Variants in CDH12 observed in about 807,000 individuals in gnomAD.
CDH12 encodes the protein cadherin-12.
CDH12 carries 41 observed loss-of-function variants against 74.1 expected under a neutral mutation model. The ratio of observed to expected loss-of-function variants is 0.55; its 90% CI spans 0.43 to 0.72. CDH12 has a LOEUF of 0.72. Ranked by LOEUF, CDH12 falls within the 30% of genes least tolerant of loss-of-function variation. The probability of loss-of-function intolerance (pLI) is 0.00; values close to 1 mark genes in which losing one functional copy is unlikely to be tolerated. For synonymous variants in CDH12, 399 were observed against 355.0 expected, an observed-to-expected ratio of 1.12 and a Z score of -1.39; for missense variants, 945 against 977.2, an observed-to-expected ratio of 0.97 and a Z score of 0.44.
At position 22,322,336 on chromosome 5, in the gene CDH12, AAGG is replaced by A. The variant is rs1738919182; in HGVS notation, c.-333+82918_-333+82920del. On this transcript the variant is annotated intron_variant, in intron 3 of 14. Transcript: ENST00000382254. ...AAAGTCATCCCTTTAAGAAAATCTGAAGGTTTCATAAATATATTTCAGCTTTAT... is the reference window on the plus strand; with the variant it reads ...AAAGTCATCCCTTTAAGAAAATCTGATTTCATAAATATATTTCAGCTTTAT... 4.0e-5 allele frequency among the ~76,000 whole-genome samples: 6 copies of A among 149,390 alleles called. No homozygotes were observed. In the East Asian group the frequency reaches 1.0e-3, roughly 25 times the overall value.
At chr5:22,564,788 T>G (rs1343920928) in intron 1 of CDH12, among the ~76,000 whole-genome samples, 5 of 152,250 alleles carry the variant, frequency 3.3e-5, no homozygotes, top group African/African-American at 4.8e-5. Context: ...ATGTAAAATT[T>G]ATTCATCTCT....
chr5:22,316,347 A>C (rs981192809), intron 3 of CDH12, among the ~76,000 whole-genome samples: 13 of 152,106 alleles, frequency 8.5e-5, no homozygotes, highest in African/African-American at 3.1e-4. Context: ...ACATGCACAC[A>C]TCACAAAATA....
At chr5:22,504,808 T>C (rs924181551) in intron 2 of CDH12, among the ~76,000 whole-genome samples, 2 of 152,172 alleles carry the variant, frequency 1.3e-5, no homozygotes, top group East Asian at 3.9e-4. Context: ...TATCTCTGTT[T>C]CCTATGTGAG....
At chr5:22,267,415 T>C (rs1198012709) in intron 3 of CDH12, among the ~76,000 whole-genome samples, 1 of 152,208 alleles carries the variant, frequency 6.6e-6, no homozygotes, top group African/African-American at 2.4e-5. Flanking sequence ...GTTTACGTGA[T>C]TATGAAATCA....
chr5:22,712,144 C>T (rs539346387), intron 1 of CDH12, among the ~76,000 whole-genome samples: 1 of 152,040 alleles, frequency 6.6e-6, no homozygotes, highest in Non-Finnish European at 1.5e-5. Flanking sequence ...AACATCATCA[C>T]ATTGTTATAC....
At chr5:22,797,086 A>C (rs905729987) in intron 1 of CDH12, among the ~76,000 whole-genome samples, 1 of 149,146 alleles carries the variant, frequency 6.7e-6, no homozygotes, top group East Asian at 2.1e-4. Context: ...TCAAATTCCT[A>C]TGTTGAAATT....
At chr5:22,359,465 C>T (rs2150472010) in intron 3 of CDH12, among the ~76,000 whole-genome samples, 1 of 152,098 alleles carries the variant, frequency 6.6e-6, no homozygotes, top group Admixed American at 6.5e-5. Flanking sequence ...ACTTAGACTC[C>T]CACACAATAA....
intron 3 of CDH12, among the ~76,000 whole-genome samples, chr5:22,339,750 G>A (rs966796112): frequency 2.6e-5 from 4 of 152,098 alleles, no homozygotes; most frequent in African/African-American, 9.7e-5. Flanking sequence ...GCCTTTAGCA[G>A]GTCTTTGAAA....
chr5:22,739,221 G>T (rs1046904706), intron 1 of CDH12, among the ~76,000 whole-genome samples: 1 of 151,542 alleles, frequency 6.6e-6, no homozygotes, highest in Non-Finnish European at 1.5e-5. Context: ...TGTGTAAAAA[G>T]GAAAGAAATC....
chr5:22,096,780 C>T (rs188574777), intron 4 of CDH12, among the ~76,000 whole-genome samples: 1 of 152,102 alleles, frequency 6.6e-6, no homozygotes, highest in East Asian at 1.9e-4. Context: ...TTAGCAGCAA[C>T]CCTGAGATGC....
intron 3 of CDH12, among the ~76,000 whole-genome samples, chr5:22,216,520 G>A (rs1751808858): frequency 6.6e-6 from 1 of 151,764 alleles, no homozygotes; most frequent in Admixed American, 6.6e-5. Context: ...TATTTTAAAT[G>A]GATCTATAAA....
At chr5:22,076,697 A>G (rs1480052240) in intron 5 of CDH12, among the ~76,000 whole-genome samples, 1 of 152,206 alleles carries the variant, frequency 6.6e-6, no homozygotes, top group Non-Finnish European at 1.5e-5. Context: ...TTCCACAATC[A>G]TATTTGAGGA....
chr5:22,370,197 T>C (rs1188630062), intron 3 of CDH12, among the ~76,000 whole-genome samples: 1 of 152,144 alleles, frequency 6.6e-6, no homozygotes, highest in Non-Finnish European at 1.5e-5. Flanking sequence ...TAGAGATCCC[T>C]CCACTCCTGG....
At chr5:22,258,730 C>T (rs1455899002) in intron 3 of CDH12, among the ~76,000 whole-genome samples, 1 of 152,004 alleles carries the variant, frequency 6.6e-6, no homozygotes, top group East Asian at 1.9e-4. Flanking sequence ...TTTAGATACA[C>T]AAATATTTAC....
intron 5 of CDH12, among the ~76,000 whole-genome samples, chr5:21,980,157 A>G (rs1325463931): frequency 6.6e-6 from 1 of 151,594 alleles, no homozygotes; most frequent in East Asian, 1.9e-4. Flanking sequence ...ATAAAAAAAA[A>G]AAACATACAT....
In CDH12 at chr5:21,772,183, G is replaced by A. The variant is rs114035605; in HGVS notation, c.1394-7084C>T. Among the ~76,000 whole-genome samples the A allele has an allele frequency of 6.4e-3, 971 of 151,932 alleles. 12 individuals are homozygous for A. The highest frequency in any genetic ancestry group is 0.022 in the African/African-American group (900 of 41,456). On this transcript the variant is annotated intron_variant, in intron 11 of 14. Transcript: ENST00000382254. Reference sequence around the variant, plus strand: ...ACCAACATAAATTTTCAAAAGTACCGGTAAGATCAAGTTCTGTCTTTGATT... The same window carrying A: ...ACCAACATAAATTTTCAAAAGTACCAGTAAGATCAAGTTCTGTCTTTGATT...
At chr5:22,305,876 A>G (rs1348599380) in intron 3 of CDH12, among the ~76,000 whole-genome samples, 4 of 152,096 alleles carry the variant, frequency 2.6e-5, no homozygotes, top group Non-Finnish European at 2.9e-5. Context: ...CTTCTTTCTT[A>G]GTATTTCTGT....
chr5:21,895,513 T>G (rs1435690909), intron 6 of CDH12, among the ~76,000 whole-genome samples: 1 of 152,186 alleles, frequency 6.6e-6, no homozygotes, highest in Non-Finnish European at 1.5e-5. Flanking sequence ...CAGTCTTCAG[T>G]CCATTAGAGC....
chr5:22,672,764 A>G (rs1399074812), intron 1 of CDH12, among the ~76,000 whole-genome samples: 2 of 152,228 alleles, frequency 1.3e-5, no homozygotes, highest in Non-Finnish European at 2.9e-5. Flanking sequence ...AAATGATCCA[A>G]TCAAAGTCAA....
Sources: allele counts gnomAD v4.1 joint callset (sites outside exome capture counted in the v4.1 genomes callset), GRCh38; gene constraint gnomAD v4.1.1; transcripts MANE v1.5; gene names NCBI Gene and HGNC (gene_info 2026-07-23, HGNC 2026-07-21).